Variants in LTAP1 observed in about 807,000 individuals in gnomAD.
LTAP1 encodes HCV NS5A-transactivated protein 4.
chr1:154,219,775 T>G, the LTAP1 span: 1 of 1,234,056 alleles, frequency 8.1e-7, no homozygotes, highest in Non-Finnish European at 1.2e-6. Flanking sequence ...GCAGAGGAAA[T>G]CTCATTCTTG....
At chr1:154,219,798 C>G in the LTAP1 span, 1 of 1,422,940 alleles carries the variant, frequency 7.0e-7, no homozygotes, top group Non-Finnish European at 9.7e-7. Flanking sequence ...CCTAAAAGAT[C>G]TGGAGAAGTA....
At chr1:154,214,417 G>T in the LTAP1 span, 1 of 1,304,358 alleles carries the variant, frequency 7.7e-7, no homozygotes, top group Non-Finnish European at 1.1e-6. Context: ...CTGGACTTGT[G>T]GGACTCCTCA....
chr1:154,207,713 C>A, the LTAP1 span: 2 of 1,336,252 alleles, frequency 1.5e-6, no homozygotes, highest in South Asian at 1.4e-5. Flanking sequence ...AGGGCTTATC[C>A]CAGGCCATAA....
the LTAP1 span, among the ~76,000 whole-genome samples, chr1:154,210,692 T>G: frequency 6.6e-6 from 1 of 152,144 alleles, no homozygotes; most frequent in Non-Finnish European, 1.5e-5. Context: ...TTGGTTAAGC[T>G]GGTCTTGAAC....
At chr1:154,214,597 C>T in the LTAP1 span, 1 of 1,490,092 alleles carries the variant, frequency 6.7e-7, no homozygotes, top group South Asian at 1.1e-5. Flanking sequence ...AAAAAGAATA[C>T]ACAATCATTT....
chr1:154,211,911 T>A, the LTAP1 span: 39 of 174,374 alleles, frequency 2.2e-4, no homozygotes, highest in Non-Finnish European at 4.2e-4. Flanking sequence ...GGCTGGAGTA[T>A]AATGGCACGA....
the LTAP1 span, chr1:154,212,024 T>G: frequency 3.2e-6 from 1 of 309,750 alleles, no homozygotes; most frequent in Non-Finnish European, 6.3e-6. Context: ...GCCCGGCTAA[T>G]TTTGTATTTT....
the LTAP1 span, among the ~76,000 whole-genome samples, chr1:154,215,739 C>T: frequency 2.6e-4 from 40 of 152,104 alleles, no homozygotes; most frequent in East Asian, 7.1e-3. Context: ...ACACAAAATA[C>T]AGGTAACATA....
the LTAP1 span, among the ~76,000 whole-genome samples, chr1:154,215,986 C>T: frequency 2.0e-5 from 3 of 151,778 alleles, no homozygotes; most frequent in African/African-American, 4.8e-5. Context: ...TACAGGCGCC[C>T]GCCACCACGC....
the LTAP1 span, chr1:154,219,725 T>G: frequency 2.4e-6 from 2 of 824,990 alleles, no homozygotes; most frequent in East Asian, 5.4e-5. Flanking sequence ...CAAGGACAAG[T>G]GCACGCAAAG....
At chr1:154,219,366 C>T in the LTAP1 span, among the ~76,000 whole-genome samples, 3 of 152,296 alleles carry the variant, frequency 2.0e-5, no homozygotes, top group East Asian at 1.9e-4. Context: ...ACTTCCTATA[C>T]GTCTTCTGGT....
the LTAP1 span, chr1:154,206,720 TTTTA>T: frequency 1.8e-5 from 3 of 167,502 alleles, no homozygotes; most frequent in South Asian, 1.7e-4. Context: ...GATTCATACG[TTTTA>T]TTTGATAATA....
the LTAP1 span, among the ~76,000 whole-genome samples, chr1:154,218,886 AG>A: frequency 6.6e-6 from 1 of 152,198 alleles, no homozygotes; most frequent in Non-Finnish European, 1.5e-5. Context: ...AAATAAAGAG[AG>A]GGGGAACCTA....
the LTAP1 span, chr1:154,213,851 G>A: frequency 4.5e-5 from 70 of 1,553,852 alleles, no homozygotes; most frequent in Admixed American, 8.6e-5. Flanking sequence ...CCCTAGGTGG[G>A]CTTTCAGGAT....
chr1:154,211,465 T>C, the LTAP1 span, among the ~76,000 whole-genome samples: 1 of 146,254 alleles, frequency 6.8e-6, no homozygotes, highest in African/African-American at 2.5e-5. Flanking sequence ...GCCACCCGAG[T>C]AGCTGAGATT....
At chr1:154,216,948 C>G in the LTAP1 span, among the ~76,000 whole-genome samples, 1 of 149,980 alleles carries the variant, frequency 6.7e-6, no homozygotes, top group African/African-American at 2.5e-5. Flanking sequence ...CTCGCCTGGC[C>G]TTAAATTTTT....
chr1:154,207,373 C>T, the LTAP1 span: 1 of 1,391,904 alleles, frequency 7.2e-7, no homozygotes, highest in Admixed American at 1.7e-5. Flanking sequence ...GCCAGATGTT[C>T]CGAGGGCGGC....
chr1:154,220,245 G>A, the LTAP1 span: 2 of 1,428,526 alleles, frequency 1.4e-6, no homozygotes, highest in Non-Finnish European at 9.9e-7. Context: ...ATAGGCGCAG[G>A]TGAGTGGGTG....
the LTAP1 span, chr1:154,213,355 G>A: frequency 5.0e-4 from 76 of 152,836 alleles, no homozygotes; most frequent in Admixed American, 8.5e-4. Context: ...TGAGTTAGAG[G>A]GAGATTCTGA....
Sources: gnomAD v4.1 joint callset for allele counts (sites outside exome capture counted in the v4.1 genomes callset) on GRCh38, gnomAD v4.1.1 for gene constraint, MANE v1.5 for transcripts, NCBI Gene and HGNC (gene_info 2026-07-23, HGNC 2026-07-21) for gene names.